Variants in MAPK6 observed in about 807,000 individuals in gnomAD.
MAPK6 encodes the protein mitogen-activated protein kinase 6.
In MAPK6, 19 loss-of-function variants were observed where a neutral mutation model predicts 59.3. That is an observed-to-expected ratio of 0.32 (90% confidence interval 0.22 to 0.47). The LOEUF is 0.47. Ranked by LOEUF, MAPK6 falls within the 20% of genes least tolerant of loss-of-function variation. MAPK6 has a pLI of 1.00. For missense variants in MAPK6, 724 were observed against 847.9 expected (o/e 0.85, Z 1.81); for synonymous variants, 316 against 290.3 (o/e 1.09, Z -0.90).
chr15:51,997,018 C>T (rs1264978194), intron 2 of MAPK6, among the ~76,000 whole-genome samples: 3 of 149,648 alleles, frequency 2.0e-5, no homozygotes, highest in Non-Finnish European at 4.4e-5. Flanking sequence ...CTCACTCTGT[C>T]GCCCAAGCTG....
chr15:52,050,072 C>T lies in MAPK6; in HGVS notation c.635C>T (p.Ala212Val), dbSNP rs1450590391. The change falls in exon 3 of 6, where the codon GCC (alanine) becomes GTC (valine). Residue 212 changes from alanine to valine, a missense_variant. Around this residue, in one of 4 missense-constraint regions of MAPK6, gnomAD observed 105 missense variants for 191.9 expected, o/e 0.55. Coordinates refer to ENST00000261845, the MANE Select transcript of MAPK6 (RefSeq NM_002748.4). ...LLLSPNNYTK[A>V]IDMWAAGCIF... is the part of the protein sequence containing the mutation. ...CTTTCTCCTAATAATTATACTAAAG[C>T]CATTGACATGTGGGCTGCAGGCTGC... 6.2e-7 allele frequency: 1 copy of T among 1,612,904 alleles called. No individual in the cohort carries two copies. The highest frequency in any genetic ancestry group is 1.3e-5 in the African/African-American group (1 of 74,842).
intron 4 of MAPK6, among the ~76,000 whole-genome samples, chr15:52,059,866 TG>T (rs1410392477): frequency 1.3e-5 from 2 of 152,178 alleles, no homozygotes; most frequent in South Asian, 2.1e-4. Flanking sequence ...TTCTTAACAG[TG>T]GAGTTTTATT....
intron 3 of MAPK6, among the ~76,000 whole-genome samples, chr15:52,055,764 C>G (rs1285407744): frequency 3.9e-5 from 6 of 152,328 alleles, no homozygotes; most frequent in Middle Eastern, 6.8e-3. Flanking sequence ...CATTACCTGC[C>G]TCAGCCTTCC....
Position 52,065,323 on chromosome 15 carries a change from TAC to T in MAPK6, c.*327_*328del, listed in dbSNP as rs748726924. On this transcript the variant is annotated 3_prime_UTR_variant, in exon 6 of 6. Coordinates refer to ENST00000261845, the MANE Select transcript of MAPK6 (RefSeq NM_002748.4). Reference sequence around the variant, plus strand: ...AGGAAACAAACCTTGCCTTGAAATTTACACAGTGAGACTGTACATAATTGCAT... The same window carrying T: ...AGGAAACAAACCTTGCCTTGAAATTTACAGTGAGACTGTACATAATTGCAT... The T allele has an allele frequency of 1.4e-5, 3 of 208,804 alleles. No individual in the cohort carries two copies. The highest frequency in any genetic ancestry group is 5.4e-5 in the Admixed American group (1 of 18,398). The allele number at this position is 208,804 out of a possible 1,614,324, so 12.9% of individuals were successfully genotyped here.
intron 3 of MAPK6, chr15:52,056,672 G>C (rs1352208264): frequency 6.6e-6 from 1 of 152,162 alleles, no homozygotes; most frequent in Admixed American, 6.6e-5. Context: ...CGCCACTCTT[G>C]AATTCTTCCC....
At chr15:52,048,539 T>G (rs948418041) in intron 2 of MAPK6, among the ~76,000 whole-genome samples, 1 of 151,838 alleles carries the variant, frequency 6.6e-6, no homozygotes, top group African/African-American at 2.4e-5. Flanking sequence ...ATCCAGGAGG[T>G]GGAGGTTGCA....
intron 2 of MAPK6, among the ~76,000 whole-genome samples, chr15:51,984,232 T>C (rs2057183146): frequency 6.6e-6 from 1 of 152,104 alleles, no homozygotes; most frequent in Admixed American, 6.6e-5. Flanking sequence ...CATCATATAT[T>C]GTTGAATCAC....
chr15:52,061,624 T>TA (rs1451182700), intron 5 of MAPK6, 124 bp downstream of exon 5: 10 of 767,222 alleles, frequency 1.3e-5, no homozygotes, highest in Non-Finnish European at 2.0e-5. Flanking sequence ...AATGTAAAGA[T>TA]ACAAAAATTA....
In MAPK6 at chr15:52,058,687, A is replaced by G. The variant is rs761251549; in HGVS notation, c.755A>G (p.His252Arg). The change falls in exon 4 of 6, where the codon CAT (histidine) becomes CGT (arginine). Residue 252 changes from histidine (H) to arginine (R), a missense_variant. By Grantham distance (29) the His-to-Arg change is conservative. Transcript: ENST00000261845. ...QLILESIPVV[H>R]EEDRQELLSV... ...ATTTTAGAATCTATTCCTGTTGTAC[A>G]TGAGGAAGATCGTCAGGAGCTTCTC... The G allele has an allele frequency of 5.0e-6, 8 of 1,613,654 alleles. No homozygotes were observed. In the South Asian group the frequency reaches 7.7e-5, roughly 16 times the overall value.
intron 1 of MAPK6, among the ~76,000 whole-genome samples, chr15:52,029,730 T>C (rs754669933): frequency 3.2e-4 from 48 of 152,240 alleles, no homozygotes; most frequent in Non-Finnish European, 5.7e-4. Context: ...CAAGTTCTTT[T>C]GGTCTCCAAA....
chr15:52,040,908 A>C (rs1303794145), intron 1 of MAPK6, among the ~76,000 whole-genome samples: 1 of 152,262 alleles, frequency 6.6e-6, no homozygotes, highest in Admixed American at 6.5e-5. Context: ...TTTTATTCTT[A>C]TAAATTATTC....
intron 3 of MAPK6, among the ~76,000 whole-genome samples, chr15:52,006,126 C>G (rs960166595): frequency 1.2e-4 from 18 of 152,232 alleles, no homozygotes; most frequent in African/African-American, 4.1e-4. Flanking sequence ...GGGAGCTGTG[C>G]TTTATTCTAA....
intron 1 of MAPK6, among the ~76,000 whole-genome samples, chr15:51,975,465 C>T (rs921842406): frequency 2.0e-5 from 3 of 151,330 alleles, no homozygotes; most frequent in Non-Finnish European, 2.9e-5. Flanking sequence ...CGCTTGAATC[C>T]GGGAGGCGGA....
chr15:52,040,823 G>A (rs865968019), intron 1 of MAPK6, among the ~76,000 whole-genome samples: 3 of 152,154 alleles, frequency 2.0e-5, no homozygotes, highest in Non-Finnish European at 2.9e-5. Flanking sequence ...TATCCAGCCT[G>A]CATTATAAAG....
At chr15:52,051,828 C>T (rs1320742475) in intron 3 of MAPK6, among the ~76,000 whole-genome samples, 8 of 150,142 alleles carry the variant, frequency 5.3e-5, no homozygotes, top group Admixed American at 1.3e-4. Context: ...GAGCTGGGAT[C>T]GCGCCATTGC....
chr15:52,031,036 C>T (rs543956449), intron 1 of MAPK6, among the ~76,000 whole-genome samples: 79 of 152,102 alleles, frequency 5.2e-4, no homozygotes, highest in African/African-American at 1.8e-3. Context: ...TCAAAGGATC[C>T]ACCCGCCTTG....
At chr15:52,053,694 C>T (rs898758671) in intron 3 of MAPK6, among the ~76,000 whole-genome samples, 38 of 151,974 alleles carry the variant, frequency 2.5e-4, no homozygotes, top group African/African-American at 8.9e-4. Flanking sequence ...GGCTGGAGTA[C>T]AGTGGCATGA....
chr15:51,997,409 G>A (rs1460107001), intron 2 of MAPK6, among the ~76,000 whole-genome samples: 1 of 131,182 alleles, frequency 7.6e-6, no homozygotes, highest in Non-Finnish European at 1.5e-5. Context: ...GTAGACATGT[G>A]CCACGACACC....
At chr15:51,977,481 C>T (rs2057160718) in intron 1 of MAPK6, among the ~76,000 whole-genome samples, 4 of 151,758 alleles carry the variant, frequency 2.6e-5, no homozygotes, top group Admixed American at 2.6e-4. Flanking sequence ...AGGCCAACCC[C>T]CATCTGTTAT....
Sources: gnomAD v4.1 joint callset for allele counts (sites outside exome capture counted in the v4.1 genomes callset) on GRCh38, gnomAD v4.1.1 for gene constraint, gnomAD v4.1.1 regional missense constraint, MANE v1.5 for transcripts, NCBI Gene and HGNC (gene_info 2026-07-23, HGNC 2026-07-21) for gene names.